The following ANKFN1 variants were observed in gnomAD, a reference collection of about 807,000 sequenced individuals.
The protein encoded by ANKFN1 is ankyrin repeat and fibronectin type III domain containing 1, also known as ankyrin repeat and fibronectin type-III domain-containing protein 1.
A neutral mutation model predicts 108.7 loss-of-function variants in ANKFN1; 74 were observed. The observed-to-expected ratio is 0.68, with a 90% CI of 0.56 to 0.83. ANKFN1 has a LOEUF of 0.83. Ranked by LOEUF, ANKFN1 falls within the 40% of genes least tolerant of loss-of-function variation. ANKFN1 has a pLI of 0.00. For synonymous variants in ANKFN1, 547 were observed against 516.2 expected (o/e 1.06, Z -0.81); for missense variants, 1,505 against 1,382.3 (o/e 1.09, Z -1.41).
At chr17:56,477,288 G>A (rs1028209823) in intron 15 of ANKFN1, among the ~76,000 whole-genome samples, 200 bp from the exon 16 acceptor site, 31 of 152,024 alleles carry the variant, frequency 2.0e-4, no homozygotes, top group African/African-American at 6.8e-4. Flanking sequence ...CTGATTACCT[G>A]GCCAAGAATT....
In ANKFN1 at chr17:56,186,132, G is replaced by A. The variant is rs573296912; in HGVS notation, c.-70-26466G>A. ...TATTTGTTTTTACAAGGGTAAGTTT[G>A]GAGGGGGGTGGGTAGTTACTGTAGC... On this transcript the variant is annotated intron_variant, in intron 1 of 20. Coordinates refer to ENST00000682825, the MANE Select transcript of ANKFN1 (RefSeq NM_001370326.1). 2.0e-5 allele frequency among the ~76,000 whole-genome samples: 3 copies of A among 152,266 alleles called. No individual in the cohort carries two copies. In the South Asian group the frequency reaches 6.2e-4, roughly 32 times the overall value.
chr17:56,121,415 C>T (rs1191189376), intron 4 of ANKFN1, among the ~76,000 whole-genome samples: 1 of 151,894 alleles, frequency 6.6e-6, no homozygotes, highest in African/African-American at 2.4e-5. Flanking sequence ...TCATGTAATG[C>T]CTTGTGTTTG....
intron 4 of ANKFN1, among the ~76,000 whole-genome samples, chr17:56,144,127 A>G (rs1192431040): frequency 6.8e-6 from 1 of 146,368 alleles, no homozygotes; most frequent in Non-Finnish European, 1.5e-5. Flanking sequence ...AGCCTAGCAC[A>G]AGTGCCTGAC....
intron 8 of ANKFN1, among the ~76,000 whole-genome samples, chr17:56,412,779 A>G (rs2048130913): frequency 6.6e-6 from 1 of 152,194 alleles, no homozygotes; most frequent in Non-Finnish European, 1.5e-5. Context: ...ACCTCAGCTT[A>G]CAGATGACCT....
intron 4 of ANKFN1, among the ~76,000 whole-genome samples, chr17:56,069,667 GA>G (rs1905098267): frequency 2.0e-5 from 3 of 152,168 alleles, no homozygotes; most frequent in South Asian, 4.1e-4. Context: ...CTAAAGGCCA[GA>G]ATCCTGAAAT....
intron 1 of ANKFN1, among the ~76,000 whole-genome samples, chr17:56,190,412 G>A (rs1185330890): frequency 8.9e-6 from 1 of 112,882 alleles, no homozygotes; most frequent in Non-Finnish European, 1.8e-5. Context: ...GGTATGTTGT[G>A]TCTTTGTTCT....
At chr17:56,278,634 A>C (rs571900096) in intron 3 of ANKFN1, among the ~76,000 whole-genome samples, 1 of 152,244 alleles carries the variant, frequency 6.6e-6, no homozygotes, top group Non-Finnish European at 1.5e-5. Flanking sequence ...CATCTTGCCC[A>C]TCACCAGTAT....
At chr17:56,420,598 A>C (rs1010674295) in intron 8 of ANKFN1, among the ~76,000 whole-genome samples, 1 of 151,880 alleles carries the variant, frequency 6.6e-6, no homozygotes, top group Non-Finnish European at 1.5e-5. Flanking sequence ...ATGAGAACCC[A>C]TAATTATTTA....
chr17:56,259,070 T>C (rs545067657), intron 3 of ANKFN1, among the ~76,000 whole-genome samples: 35 of 152,344 alleles, frequency 2.3e-4, no homozygotes, highest in South Asian at 1.0e-3. Context: ...GAGTATCTTA[T>C]GTAATCTTCA....
chr17:56,046,544 TTTC>T (rs1482838488), intron 4 of ANKFN1, among the ~76,000 whole-genome samples: 20 of 152,128 alleles, frequency 1.3e-4, no homozygotes, highest in African/African-American at 4.3e-4. Context: ...TGGGACATAT[TTTC>T]TTTTTTTTCC....
chr17:56,170,807 T>TATATATATATACACACACACACACAC (rs1361307404), intron 1 of ANKFN1, among the ~76,000 whole-genome samples: 1 of 61,460 alleles, frequency 1.6e-5, no homozygotes, highest in African/African-American at 7.0e-5. Flanking sequence ...TATATATATA[T>TATATATATATACACACACACACACAC]ACACACACAC....
chr17:56,461,030 T>G (rs1300851005), intron 14 of ANKFN1, among the ~76,000 whole-genome samples: 1 of 152,218 alleles, frequency 6.6e-6, no homozygotes, highest in Non-Finnish European at 1.5e-5. Flanking sequence ...ACCCCTCACT[T>G]GCATGAGCTA....
At chr17:56,095,293 C>CTTTT (rs150218476) in intron 4 of ANKFN1, among the ~76,000 whole-genome samples, 1 of 138,824 alleles carries the variant, frequency 7.2e-6, no homozygotes, top group African/African-American at 2.7e-5. Context: ...GAATGCTTTA[C>CTTTT]TTTTTTTTTT....
chr17:56,452,714 G>A (rs999704260), intron 11 of ANKFN1, among the ~76,000 whole-genome samples: 6 of 152,164 alleles, frequency 3.9e-5, no homozygotes, highest in African/African-American at 1.4e-4. Flanking sequence ...ATGCTTGCAT[G>A]TGCCCTTTTC....
chr17:56,431,423 C>A (rs957188815), intron 8 of ANKFN1, among the ~76,000 whole-genome samples: 1 of 152,158 alleles, frequency 6.6e-6, no homozygotes, highest in Non-Finnish European at 1.5e-5. Context: ...ATAATATGAC[C>A]TAAGGCTCAG....
rs2050078829 is a variant in ANKFN1 at position 56,466,553 on chromosome 17, T to C, written c.1755T>C (p.Ile585=). The part of the protein sequence containing the change: ...STPEEPTALD[I]LLITIQDILS... ...CTGAGGAGCCAACAGCTTTAGACAT[T>C]CTACTGATAACCATCCAGGTATGTA... The change falls in exon 15 of 21, where the codon ATT becomes ATC. Residue 585 remains isoleucine (I), a synonymous_variant. Coordinates refer to ENST00000682825, the MANE Select transcript of ANKFN1 (RefSeq NM_001370326.1). 1.2e-6 allele frequency: 2 copies of C among 1,611,602 alleles called. No individual in the cohort carries two copies. Among genetic ancestry groups the C allele is most frequent in the African/African-American group, 2.7e-5 (2 of 74,850 alleles).
At chr17:56,450,351 A>G (rs1037971651) in intron 11 of ANKFN1, among the ~76,000 whole-genome samples, 1 of 152,238 alleles carries the variant, frequency 6.6e-6, no homozygotes, top group Admixed American at 6.5e-5. Context: ...GAGCATTAGC[A>G]AAAGGTTGTT....
At chr17:56,449,574 A>G (rs1262934749) in intron 11 of ANKFN1, among the ~76,000 whole-genome samples, 2 of 152,214 alleles carry the variant, frequency 1.3e-5, no homozygotes, top group African/African-American at 4.8e-5. Flanking sequence ...AGCCCAGCCA[A>G]TTATAATAAC....
At chr17:56,160,539 T>C (rs534533029) in intron 1 of ANKFN1, among the ~76,000 whole-genome samples, 73 of 152,372 alleles carry the variant, frequency 4.8e-4, no homozygotes, top group African/African-American at 1.6e-3. Context: ...TAAAGGTTTA[T>C]TCATTTGCCA....
Sources: allele counts gnomAD v4.1 joint callset (sites outside exome capture counted in the v4.1 genomes callset), GRCh38; gene constraint gnomAD v4.1.1; transcripts MANE v1.5; gene names NCBI Gene and HGNC (gene_info 2026-07-23, HGNC 2026-07-21).